PKP2: variants seen among roughly 807,000 people sequenced by gnomAD.
PKP2 encodes the protein plakophilin-2.
Under a neutral mutation model 83.4 loss-of-function variants are expected in PKP2, and 73 were observed. That is an observed-to-expected ratio of 0.88 (90% CI 0.72 to 1.06). The LOEUF (loss-of-function observed/expected upper bound fraction) is 1.06. PKP2 is among the 50% of genes least tolerant of loss of function. The pLI is 0.00. For synonymous variants in PKP2, 409 were observed against 430.4 expected, an observed-to-expected ratio of 0.95 and a Z score of 0.62; for missense variants, 966 against 1,065.4, an observed-to-expected ratio of 0.91 and a Z score of 1.30.
At chr12:32,799,556 G>A (rs1437774052) in intron 10 of PKP2, among the ~76,000 whole-genome samples, 1 of 152,114 alleles carries the variant, frequency 6.6e-6, no homozygotes, top group Non-Finnish European at 1.5e-5. Flanking sequence ...ACCAACGAGT[G>A]GATACAGGAA....
intron 9 of PKP2, among the ~76,000 whole-genome samples, chr12:32,819,859 T>TACAC (rs141866119): frequency 3.5e-5 from 5 of 143,116 alleles, no homozygotes; most frequent in African/African-American, 5.2e-5. Flanking sequence ...ACAGCAAGCT[T>TACAC]ACACACACAC....
intron 3 of PKP2, among the ~76,000 whole-genome samples, chr12:32,875,882 C>T (rs1956927597): frequency 2.6e-5 from 4 of 152,096 alleles, no homozygotes; most frequent in Admixed American, 2.6e-4. Flanking sequence ...GTTACATTTT[C>T]ATATAGGTCC....
intron 6 of PKP2, among the ~76,000 whole-genome samples, chr12:32,830,578 A>G (rs1236652864): frequency 6.6e-6 from 1 of 152,136 alleles, no homozygotes; most frequent in East Asian, 1.9e-4. Flanking sequence ...CCAAGAAACT[A>G]GAAGGTGGTA....
chr12:32,852,597 T>C (rs1956709896), intron 4 of PKP2, among the ~76,000 whole-genome samples: 2 of 152,214 alleles, frequency 1.3e-5, no homozygotes, highest in Admixed American at 1.3e-4. Flanking sequence ...CATTATCTAA[T>C]TAATAGATTG....
intron 5 of PKP2, among the ~76,000 whole-genome samples, chr12:32,842,431 C>T (rs1194555797): frequency 6.6e-6 from 1 of 151,738 alleles, no homozygotes; most frequent in African/African-American, 2.4e-5. Context: ...TCGGTAGAGA[C>T]GGGTTTCACC....
At chr12:32,889,589 C>T (rs774958060) in intron 1 of PKP2, among the ~76,000 whole-genome samples, 42 of 152,174 alleles carry the variant, frequency 2.8e-4, no homozygotes, top group Admixed American at 5.9e-4. Flanking sequence ...ATTCAGTTTG[C>T]GCTTAATCAT....
At chr12:32,802,229 A>C (rs1174857167) in intron 10 of PKP2, among the ~76,000 whole-genome samples, 174 bp downstream of exon 10, 1 of 151,876 alleles carries the variant, frequency 6.6e-6, no homozygotes, top group Non-Finnish European at 1.5e-5. Flanking sequence ...GGTGAGATCC[A>C]CTGAGAAAGC....
At chr12:32,826,074 G>A (rs1384138096) in intron 6 of PKP2, among the ~76,000 whole-genome samples, 1 of 152,038 alleles carries the variant, frequency 6.6e-6, no homozygotes, top group African/African-American at 2.4e-5. Context: ...GGAGGCCGAG[G>A]CAGGCGGATC....
In PKP2 at chr12:32,841,080, C is replaced by T. The variant is rs368740836; in HGVS notation, c.1504G>A (p.Ala502Thr). 1.1e-4 allele frequency: 176 copies of T among 1,613,916 alleles called. 3 individuals are homozygous for T. In the Admixed American group the frequency reaches 2.7e-3, roughly 25 times the overall value. Residue 502 changes from alanine (A) to threonine (T), a missense_variant, in exon 6 of 13, where the codon GCA becomes ACA. Transcript: ENST00000340811. ...SGWPEGDYPK[A>T]NGLLDFDIFY... ...ATGTCAAAATCGAGCAAACCATTTG[C>T]TTTTGGGTAGTCTCCTTCAGGCCAC... is the stretch of plus-strand genomic sequence containing the variant.
At chr12:32,857,584 A>T (rs1209016849) in intron 4 of PKP2, among the ~76,000 whole-genome samples, 2 of 152,206 alleles carry the variant, frequency 1.3e-5, no homozygotes, top group Non-Finnish European at 2.9e-5. Flanking sequence ...TCTCTTATAC[A>T]TACATTTAAA....
Position 32,822,472 on chromosome 12 carries a change from T to A in PKP2, c.1834A>T (p.Lys612Ter), listed in dbSNP as rs1158333072. ...TCAAAAACTTCCCAATATACCTCTT[T>A]TACTTTCCTGCTTCGACTGCCAAAA... ...GCFGSRSRKV[K>*]EQYQDVPMPE... is the part of the protein sequence containing the mutation. The change falls in exon 8 of 13, where the codon AAA becomes TAA. Residue 612 changes from lysine (K) to a stop codon, truncating the protein, a stop_gained. Transcript: ENST00000340811. LOFTEE classifies it high-confidence loss of function. 1.2e-6 allele frequency: 2 copies of A among 1,613,896 alleles called. No individual in the cohort carries two copies. The highest frequency in any genetic ancestry group is 3.3e-5 in the Admixed American group (2 of 60,022).
rs2137948919 is a variant in PKP2 at position 32,878,233 on chromosome 12, G to C, written c.647C>G (p.Thr216Arg). The part of the protein sequence containing the change: ...GTTSRQRHFD[T>R]YHRQYQHGSV... ...GCCATGCTGGTACTGTCTGTGGTATGTGTCAAAGTGGCGCTGCCTGCTTGT... is the reference window on the plus strand; with the variant it reads ...GCCATGCTGGTACTGTCTGTGGTATCTGTCAAAGTGGCGCTGCCTGCTTGT... The change falls in exon 3 of 13, where the codon ACA becomes AGA. Residue 216 changes from threonine to arginine, a missense_variant. By Grantham distance (71) the Thr-to-Arg change is moderately conservative (BLOSUM62 -1). Transcript: ENST00000340811. 3 of 1,614,200 alleles carry C rather than the reference G, an allele frequency of 1.9e-6. No homozygotes were observed. The highest frequency in any genetic ancestry group is 2.5e-6 in the Non-Finnish European group (3 of 1,180,030).
intron 10 of PKP2, among the ~76,000 whole-genome samples, chr12:32,799,133 T>C (rs995996409): frequency 1.6e-4 from 24 of 152,082 alleles, no homozygotes; most frequent in African/African-American, 5.3e-4. Context: ...AAAGAAGATA[T>C]ACAAATGGCA....
intron 10 of PKP2, among the ~76,000 whole-genome samples, chr12:32,799,241 C>G (rs957850778): frequency 6.6e-6 from 1 of 152,134 alleles, no homozygotes; most frequent in Non-Finnish European, 1.5e-5. Context: ...GAGATACCAC[C>G]TTACTCCTGC....
chr12:32,853,151 C>T (rs1956715542), intron 4 of PKP2, among the ~76,000 whole-genome samples: 1 of 152,096 alleles, frequency 6.6e-6, no homozygotes, highest in Admixed American at 6.6e-5. Context: ...TCATCTATTC[C>T]TATTACAGGC....
rs1323910612 is a variant in PKP2 at position 32,829,670 on chromosome 12, A to AT, written c.1557-5509dup. Reference sequence around the variant, plus strand: ...TGGGACCAGTCTTTTATTTTATTTTATTTTTTTTGAGATGGAGTCTCACTG... The same window carrying AT: ...TGGGACCAGTCTTTTATTTTATTTTATTTTTTTTTGAGATGGAGTCTCACTG... On this transcript the variant is annotated intron_variant, in intron 6 of 12. Transcript: ENST00000340811. 5.0e-5 allele frequency among the ~76,000 whole-genome samples: 7 copies of AT among 140,378 alleles called. No homozygotes were observed. In the South Asian group the frequency reaches 6.9e-4, roughly 14 times the overall value. 92.1% of individuals were successfully genotyped at this position (140,378 alleles called of 152,430 possible). A position where few individuals can be genotyped will look rare whatever the true frequency, so the allele number is the denominator to read the frequency against.
chr12:32,889,627 C>T (rs760643691), intron 1 of PKP2, among the ~76,000 whole-genome samples: 3 of 152,150 alleles, frequency 2.0e-5, no homozygotes, highest in Non-Finnish European at 4.4e-5. Flanking sequence ...CTGTGGCTCA[C>T]CAGAATGGAA....
At chr12:32,814,389 G>A (rs1010284415) in intron 9 of PKP2, among the ~76,000 whole-genome samples, 44 of 152,024 alleles carry the variant, frequency 2.9e-4, no homozygotes, top group Non-Finnish European at 2.1e-4. Flanking sequence ...TGGTCACACA[G>A]AGCCTGTGTT....
At chr12:32,793,433 T>A (rs1003183057) in intron 11 of PKP2, among the ~76,000 whole-genome samples, 1 of 152,030 alleles carries the variant, frequency 6.6e-6, no homozygotes, top group Admixed American at 6.6e-5. Context: ...CATACGATTT[T>A]GTGACATCAT....
Sources: allele counts gnomAD v4.1 joint callset (sites outside exome capture counted in the v4.1 genomes callset), GRCh38; gene constraint gnomAD v4.1.1; transcripts MANE v1.5; gene names NCBI Gene and HGNC (gene_info 2026-07-23, HGNC 2026-07-21).